Variants in CREB5 observed in about 807,000 individuals in gnomAD.
CREB5 encodes cAMP responsive element binding protein 5, also known as cyclic AMP-responsive element-binding protein 5.
In CREB5, 19 loss-of-function variants were observed where a neutral mutation model predicts 57.1. The ratio of observed to expected loss-of-function variants is 0.33; its 90% CI spans 0.23 to 0.49. The LOEUF (loss-of-function observed/expected upper bound fraction) is 0.49. Ranked by LOEUF, CREB5 falls within the 20% of genes least tolerant of loss-of-function variation. The probability of loss-of-function intolerance (pLI) is 0.99; values close to 1 mark genes in which losing one functional copy is unlikely to be tolerated. For synonymous variants in CREB5, 238 were observed against 238.3 expected (o/e 1.00, Z 0.01); for missense variants, 579 against 671.6 (o/e 0.86, Z 1.52).
chr7:28,487,387 T>C (rs1791608534), intron 1 of CREB5, among the ~76,000 whole-genome samples: 1 of 152,118 alleles, frequency 6.6e-6, no homozygotes, highest in African/African-American at 2.4e-5. Flanking sequence ...GATTATAAGG[T>C]TTTTTTCCTG....
intron 5 of CREB5, among the ~76,000 whole-genome samples, chr7:28,616,045 A>ACACAATCT: frequency 6.6e-6 from 1 of 152,346 alleles, no homozygotes; most frequent in East Asian, 1.9e-4. Context: ...AACAGCCTGT[A>ACACAATCT]GAGTTTTGTA....
chr7:28,507,227 ATT>A (rs5883140), intron 3 of CREB5, among the ~76,000 whole-genome samples: 1 of 151,410 alleles, frequency 6.6e-6, no homozygotes, highest in African/African-American at 2.4e-5. Flanking sequence ...ATTGGGTCAG[ATT>A]TTTTTTTGGC....
chr7:28,705,518 A>G (rs943228591), intron 5 of CREB5, among the ~76,000 whole-genome samples: 3 of 152,202 alleles, frequency 2.0e-5, no homozygotes, highest in Admixed American at 6.5e-5. Flanking sequence ...GTTTCTATTT[A>G]TACTAGGGAC....
intron 1 of CREB5, among the ~76,000 whole-genome samples, chr7:28,358,862 T>A (rs895317231): frequency 6.6e-6 from 1 of 152,174 alleles, no homozygotes; most frequent in Non-Finnish European, 1.5e-5. Flanking sequence ...CCCCCTTAGT[T>A]CTTTGAGGTG....
chr7:28,531,018 G>C (rs947134283), intron 4 of CREB5, among the ~76,000 whole-genome samples: 14 of 152,150 alleles, frequency 9.2e-5, no homozygotes, highest in African/African-American at 3.4e-4. Flanking sequence ...GTTTTACTGG[G>C]GAATGTGCTT....
At chr7:28,376,457 A>G (rs1306205847) in intron 1 of CREB5, among the ~76,000 whole-genome samples, 1 of 151,878 alleles carries the variant, frequency 6.6e-6, no homozygotes, top group Non-Finnish European at 1.5e-5. Context: ...TTTAGTAGAG[A>G]CGAAGTTTCG....
At chr7:28,362,657 G>A (rs1461053877) in intron 1 of CREB5, among the ~76,000 whole-genome samples, 41 of 152,188 alleles carry the variant, frequency 2.7e-4, no homozygotes, top group Admixed American at 2.7e-3. Context: ...AGATTGAATT[G>A]TATGAGCTGT....
At position 28,809,210 on chromosome 7, in the gene CREB5, GCAGCCAACCCAGACAATA is replaced by G. The variant is rs752622025; in HGVS notation, c.1057_1074del (p.Thr353_Pro358del). The stretch of plus-strand genomic sequence containing the variant: ...AGGTTTCACCAGCAACACAACAGAT[GCAGCCAACCCAGACAATA>G]CAGCCACCCCAGCCCACAGGGGGGC... On this transcript the variant is annotated inframe_deletion, in exon 9 of 11. Coordinates refer to ENST00000357727, the MANE Select transcript of CREB5 (RefSeq NM_182898.4). 1 of 1,613,372 alleles carries G rather than the reference GCAGCCAACCCAGACAATA, an allele frequency of 6.2e-7. No individual in the cohort carries two copies. Among genetic ancestry groups the G allele is most frequent in the Non-Finnish European group, 8.5e-7 (1 of 1,179,568 alleles).
chr7:28,689,395 G>A (rs2128729137), intron 5 of CREB5, among the ~76,000 whole-genome samples: 1 of 152,220 alleles, frequency 6.6e-6, no homozygotes, highest in South Asian at 2.1e-4. Flanking sequence ...GTGAACCTGG[G>A]AGGCGGAGCT....
chr7:28,746,339 G>T (rs538822660), intron 7 of CREB5, among the ~76,000 whole-genome samples: 1 of 152,202 alleles, frequency 6.6e-6, no homozygotes, highest in Non-Finnish European at 1.5e-5. Context: ...GCATTAGTCT[G>T]TAGAGGCTCG....
intron 5 of CREB5, among the ~76,000 whole-genome samples, chr7:28,706,769 C>T (rs1227778613): frequency 6.6e-6 from 1 of 152,110 alleles, no homozygotes; most frequent in East Asian, 1.9e-4. Context: ...ACACAGTTTC[C>T]TAGAAACTTC....
At chr7:28,783,472 C>T (rs1408746239) in intron 7 of CREB5, among the ~76,000 whole-genome samples, 1 of 152,116 alleles carries the variant, frequency 6.6e-6, no homozygotes, top group Admixed American at 6.5e-5. Context: ...ATTTGTAAGA[C>T]TCATGAGGAA....
intron 5 of CREB5, among the ~76,000 whole-genome samples, chr7:28,636,159 C>T (rs1043864956): frequency 1.3e-5 from 2 of 152,068 alleles, no homozygotes; most frequent in African/African-American, 2.4e-5. Flanking sequence ...CACACAATAC[C>T]CTTCACTTGA....
chr7:28,486,674 ATATAT>A (rs1791566054), intron 1 of CREB5, among the ~76,000 whole-genome samples: 1 of 129,012 alleles, frequency 7.8e-6, no homozygotes, highest in East Asian at 2.2e-4. Flanking sequence ...ATGATTTTAT[ATATAT>A]ATATATATAT....
At chr7:28,628,685 G>A (rs1030137178) in intron 5 of CREB5, among the ~76,000 whole-genome samples, 5 of 152,148 alleles carry the variant, frequency 3.3e-5, no homozygotes, top group Admixed American at 2.0e-4. Context: ...CAGCATCCAA[G>A]GTGCTAGAGA....
intron 5 of CREB5, among the ~76,000 whole-genome samples, chr7:28,583,209 CA>C (rs2128658251): frequency 1.3e-5 from 2 of 152,244 alleles, no homozygotes; most frequent in South Asian, 4.2e-4. Context: ...TTGAAAACTA[CA>C]AAATTGGAAG....
intron 5 of CREB5, among the ~76,000 whole-genome samples, chr7:28,629,132 T>G (rs1433004220): frequency 6.6e-6 from 1 of 152,188 alleles, no homozygotes; most frequent in African/African-American, 2.4e-5. Context: ...ACTCACAGGT[T>G]GTTGTAGAAA....
At chr7:28,304,328 A>G (rs1189799025) in intron 1 of CREB5, among the ~76,000 whole-genome samples, 6 of 152,248 alleles carry the variant, frequency 3.9e-5, no homozygotes, top group African/African-American at 1.4e-4. Flanking sequence ...TTATAGTACA[A>G]GAGGATATGT....
chr7:28,373,501 C>T lies in CREB5; in HGVS notation c.-25+74060C>T, dbSNP rs552963730. Among the ~76,000 whole-genome samples the T allele has an allele frequency of 1.5e-4, 22 of 149,134 alleles. No homozygotes were observed. The East Asian group carries it at 3.8e-3, about 26-fold the overall frequency. ...TGTTGCCCAGGCTGAAGTGCAGTAG[C>T]GCGACCTTGGCTCACTGCAACCTCT... On this transcript the variant is annotated intron_variant, in intron 1 of 9. Transcript: ENST00000396299.
Sources: gnomAD v4.1 joint callset for allele counts (sites outside exome capture counted in the v4.1 genomes callset) on GRCh38, gnomAD v4.1.1 for gene constraint, MANE v1.5 for transcripts, NCBI Gene and HGNC (gene_info 2026-07-23, HGNC 2026-07-21) for gene names.